The following CALCR variants were observed in gnomAD, a reference collection of about 807,000 sequenced individuals.
CALCR encodes the protein calcitonin receptor.
A neutral mutation model predicts 59.5 loss-of-function variants in CALCR; 47 were observed. The ratio of observed to expected loss-of-function variants is 0.79; its 90% CI spans 0.63 to 1.01. CALCR has a LOEUF of 1.01. CALCR is among the 50% of genes least tolerant of loss of function. The pLI, the probability that CALCR is intolerant of heterozygous loss-of-function variation, is 0.00. For missense variants in CALCR, 566 were observed against 597.1 expected (o/e 0.95, Z 0.54); for synonymous variants, 213 against 211.3 (o/e 1.01, Z -0.07).
chr7:93,475,682 T>C (rs1386687699), intron 5 of CALCR, among the ~76,000 whole-genome samples: 4 of 151,872 alleles, frequency 2.6e-5, no homozygotes, highest in African/African-American at 9.7e-5. Context: ...GCAAATGGTA[T>C]TTTTTGTTTT....
intron 2 of CALCR, among the ~76,000 whole-genome samples, chr7:93,490,794 A>C (rs541363697): frequency 6.6e-6 from 1 of 152,054 alleles, no homozygotes; most frequent in East Asian, 1.9e-4. Flanking sequence ...ATCCTCATGG[A>C]TAGGAAGAAT....
At chr7:93,521,359 G>A (rs1332482971) in intron 2 of CALCR, among the ~76,000 whole-genome samples, 1 of 152,086 alleles carries the variant, frequency 6.6e-6, no homozygotes, top group Non-Finnish European at 1.5e-5. Flanking sequence ...ATGAGAAATA[G>A]TATACTGTCC....
At chr7:93,551,101 A>C (rs1273059723) in intron 2 of CALCR, among the ~76,000 whole-genome samples, 1 of 152,248 alleles carries the variant, frequency 6.6e-6, no homozygotes, top group African/African-American at 2.4e-5. Context: ...TTAATTTCAA[A>C]ATATATTTCT....
intron 8 of CALCR, among the ~76,000 whole-genome samples, chr7:93,447,122 C>T (rs985931064): frequency 3.3e-5 from 5 of 151,910 alleles, no homozygotes; most frequent in South Asian, 4.1e-4. Context: ...AACTTTCAAG[C>T]GGAAGGGATC....
At chr7:93,529,297 T>G (rs150621399) in intron 2 of CALCR, among the ~76,000 whole-genome samples, 50 of 152,072 alleles carry the variant, frequency 3.3e-4, no homozygotes, top group Middle Eastern at 3.4e-3. Context: ...CACTCTCTCC[T>G]TGTTCCTGCT....
intron 9 of CALCR, among the ~76,000 whole-genome samples, chr7:93,442,307 A>C (rs1414343219): frequency 6.6e-6 from 1 of 152,146 alleles, no homozygotes; most frequent in African/African-American, 2.4e-5. Flanking sequence ...TAATTGTAGC[A>C]TCATCAATTC....
intron 2 of CALCR, among the ~76,000 whole-genome samples, chr7:93,539,382 T>A (rs757831523): frequency 1.1e-4 from 17 of 151,984 alleles, no homozygotes; most frequent in Non-Finnish European, 2.2e-4. Flanking sequence ...ATCAGGGGCT[T>A]TTAGGATCTA....
intron 3 of CALCR, chr7:93,482,892 T>C (rs753492188): frequency 1.9e-6 from 1 of 531,378 alleles, no homozygotes; most frequent in South Asian, 1.4e-5. Flanking sequence ...GCAGTAATAA[T>C]CTGCATCAGT....
chr7:93,493,638 A>C (rs1470109341), intron 2 of CALCR, among the ~76,000 whole-genome samples: 1 of 151,372 alleles, frequency 6.6e-6, no homozygotes, highest in South Asian at 2.1e-4. Context: ...AATTCCCTAC[A>C]AACTTTAAGT....
intron 2 of CALCR, among the ~76,000 whole-genome samples, chr7:93,572,768 A>C (rs1790037244): frequency 6.6e-6 from 1 of 152,142 alleles, no homozygotes. Context: ...TATATCAGCT[A>C]TTTCTTTTTA....
chr7:93,446,608 T>C lies in CALCR; in HGVS notation c.649-2851A>G, dbSNP rs183447772. ...GAATAAGATATTGTCATATAGCCCC[T>C]GACTTAATTATAACCTTTCTGTCAA... On this transcript the variant is annotated intron_variant, in intron 8 of 13. Transcript: ENST00000426151. Among the ~76,000 whole-genome samples the C allele has an allele frequency of 8.2e-4, 125 of 152,122 alleles. 1 individual carries two copies. The East Asian group carries it at 0.014, about 17-fold the overall frequency.
At position 93,425,512 on chromosome 7, in the gene CALCR, A is replaced by ACTC. The variant is rs1399205813; in HGVS notation, c.*841_*843dup. On this transcript the variant is annotated 3_prime_UTR_variant, in exon 14 of 14. Transcript: ENST00000426151. ...ATCCTGGAGTTTAGGGGAGTGGCAAACTCTCTTTAAAGGGAGTATTGTCTT... is the reference window on the plus strand; with the variant it reads ...ATCCTGGAGTTTAGGGGAGTGGCAAACTCCTCTCTTTAAAGGGAGTATTGTCTT... 6.8e-6 allele frequency: 1 copy of ACTC among 147,462 alleles called. No homozygotes were observed. Among genetic ancestry groups the ACTC allele is most frequent in the Non-Finnish European group, 1.5e-5 (1 of 66,400 alleles). 9.1% of individuals were successfully genotyped at this position (147,462 alleles called of 1,614,324 possible). A position where few individuals can be genotyped will look rare whatever the true frequency, so the allele number is the denominator to read the frequency against.
intron 3 of CALCR, among the ~76,000 whole-genome samples, chr7:93,486,510 A>G (rs1333200525): frequency 6.6e-6 from 1 of 151,542 alleles, no homozygotes; most frequent in Non-Finnish European, 1.5e-5. Flanking sequence ...TTTTAAAAGA[A>G]TTGAACAGCC....
At position 93,486,931 on chromosome 7, in the gene CALCR, A is replaced by G. The variant is rs140336416; in HGVS notation, c.51T>C (p.Asn17=). 1.0e-4 allele frequency: 161 copies of G among 1,569,374 alleles called. No individual in the cohort carries two copies. The highest frequency in any genetic ancestry group is 1.2e-4 in the Non-Finnish European group (139 of 1,144,050). Residue 17 remains asparagine (N), a splice_region_variant and synonymous_variant, in exon 3 of 14, where the codon AAT becomes AAC. Coordinates refer to ENST00000426151, the MANE Select transcript of CALCR (RefSeq NM_001742.4). ...CTTTGAATACTTTTGTTTTACTTAC[A>G]TTTAGAAGAAGAAACAGTGCCAAGC... ...SRCLALFLLL[N]HPTPILPAFS... is the part of the protein sequence containing the mutation.
At chr7:93,556,450 A>G (rs911064693) in intron 2 of CALCR, among the ~76,000 whole-genome samples, 1 of 152,086 alleles carries the variant, frequency 6.6e-6, no homozygotes, top group Non-Finnish European at 1.5e-5. Context: ...TTAACAAAAT[A>G]CATATTTTAA....
chr7:93,436,346 G>A (rs1348293891), intron 11 of CALCR, among the ~76,000 whole-genome samples, 176 bp from the exon 12 acceptor site: 1 of 140,702 alleles, frequency 7.1e-6, no homozygotes, highest in Non-Finnish European at 1.6e-5. Flanking sequence ...TAGAGAAGTG[G>A]TTTAATTTTA....
intron 3 of CALCR, among the ~76,000 whole-genome samples, chr7:93,482,342 A>T (rs1371362330): frequency 1.3e-5 from 2 of 151,862 alleles, no homozygotes. Flanking sequence ...TGGCTCTAAA[A>T]TCTTCAGTTA....
At chr7:93,563,558 A>C (rs1789794471) in intron 2 of CALCR, among the ~76,000 whole-genome samples, 1 of 152,216 alleles carries the variant, frequency 6.6e-6, no homozygotes, top group Admixed American at 6.5e-5. Flanking sequence ...TGTGTAAATC[A>C]CAATGCAGAG....
At position 93,537,361 on chromosome 7, in the gene CALCR, C is replaced by T. The variant is rs563586544; in HGVS notation, c.-27+36928G>A. 3.3e-5 allele frequency among the ~76,000 whole-genome samples: 5 copies of T among 151,714 alleles called. No homozygotes were observed. In the East Asian group the frequency reaches 7.7e-4, roughly 23 times the overall value. On this transcript the variant is annotated intron_variant, in intron 2 of 13. Transcript: ENST00000426151. ...TGAAGGTATCATTTGCTAGGTTACC[C>T]CATGGAACTGCAGTATATCAGAACA...
Sources: gnomAD v4.1 joint callset for allele counts (sites outside exome capture counted in the v4.1 genomes callset) on GRCh38, gnomAD v4.1.1 for gene constraint, MANE v1.5 for transcripts, NCBI Gene and HGNC (gene_info 2026-07-23, HGNC 2026-07-21) for gene names.